NF1: variants seen among roughly 807,000 people sequenced by gnomAD.
NF1 encodes neurofibromin 1.
A neutral mutation model predicts 325.7 loss-of-function variants in NF1; 122 were observed. The ratio of observed to expected loss-of-function variants is 0.37; its 90% CI spans 0.32 to 0.44. The LOEUF is 0.44. Ranked by LOEUF, NF1 falls within the 20% of genes least tolerant of loss-of-function variation. The pLI is 1.00. For synonymous variants in NF1, 1,091 were observed against 1,186.0 expected (o/e 0.92, Z 1.65); for missense variants, 2,140 against 3,415.4 (o/e 0.63, Z 9.31).
intron 57 of NF1, among the ~76,000 whole-genome samples, chr17:31,363,748 T>C (rs1037864558): frequency 6.7e-6 from 1 of 150,186 alleles, no homozygotes; most frequent in African/African-American, 2.5e-5. Flanking sequence ...TTTTTTTTTT[T>C]TCCCCCTTTG....
At chr17:31,193,870 C>CA (rs2066390036) in intron 8 of NF1, among the ~76,000 whole-genome samples, 1 of 152,004 alleles carries the variant, frequency 6.6e-6, no homozygotes, top group African/African-American at 2.4e-5. Context: ...TGGCTACTAT[C>CA]AAAAAGACAA....
At chr17:31,313,373 G>T (rs1214422666) in intron 36 of NF1, among the ~76,000 whole-genome samples, 1 of 152,084 alleles carries the variant, frequency 6.6e-6, no homozygotes, top group East Asian at 1.9e-4. Context: ...ATCTGCCATG[G>T]CTATAGTTTC....
chr17:31,150,539 C>T (rs1237555545), intron 1 of NF1, among the ~76,000 whole-genome samples: 3 of 152,136 alleles, frequency 2.0e-5, no homozygotes, highest in Non-Finnish European at 4.4e-5. Context: ...CTCCTTTCCT[C>T]ATCTCCTTTT....
In NF1 at chr17:31,198,380, T is replaced by A. The variant is rs551595799; in HGVS notation, c.889-2042T>A. ...GGGTGGAATCAACCAGTGAAAGCTA[T>A]CTGGTCCTAGCCTTTTCTTTGGGAG... On this transcript the variant is annotated intron_variant, in intron 8 of 57. Coordinates refer to ENST00000358273, the MANE Select transcript of NF1 (RefSeq NM_001042492.3). Among the ~76,000 whole-genome samples, 3 of 152,196 alleles carry A rather than the reference T, an allele frequency of 2.0e-5. No homozygotes were observed. In the South Asian group the frequency reaches 6.2e-4, roughly 32 times the overall value.
At position 31,230,352 on chromosome 17, in the gene NF1, A is replaced by G. The variant is rs2151431701; in HGVS notation, c.3083A>G (p.Asp1028Gly). The change falls in exon 23 of 58, where the codon GAC (aspartate) becomes GGC (glycine). Residue 1028 changes from aspartate to glycine, a missense_variant. Physicochemically the swap from Asp to Gly is moderately conservative, Grantham distance 94 (BLOSUM62 -1). Transcript: ENST00000358273. ...LVEVMMARRDDLSFCQEMKFR... is the reference protein window; with the variant it reads ...LVEVMMARRDGLSFCQEMKFR... ...GAAGTAATGATGGCAAGGAGAGATG[A>G]CCTCTCATTTTGCCAAGAGATGAAA... The G allele has an allele frequency of 6.2e-7, 1 of 1,613,490 alleles. No homozygotes were observed. The highest frequency in any genetic ancestry group is 1.3e-5 in the African/African-American group (1 of 75,006).
At chr17:31,184,686 T>C (rs1420021692) in intron 8 of NF1, among the ~76,000 whole-genome samples, 3 of 148,816 alleles carry the variant, frequency 2.0e-5, no homozygotes, top group Non-Finnish European at 4.5e-5. Flanking sequence ...AAAAATAAAA[T>C]AGAAAATGAT....
rs76335477 is a variant in NF1, at chr17:31,349,346, G to A, written c.7321+95G>A. ...TACCTATAGGTTTTTTGGCGGTTGC[G>A]TGGCAGAGCAGAAAGTTCACAGTCT... On this transcript the variant is annotated intron_variant, in intron 49 of 57. Coordinates refer to ENST00000358273, the MANE Select transcript of NF1 (RefSeq NM_001042492.3). 2.6e-5 allele frequency: 33 copies of A among 1,291,950 alleles called. No individual in the cohort carries two copies. In the Middle Eastern group the frequency reaches 7.8e-4, roughly 31 times the overall value. The allele number at this position is 1,291,950 out of a possible 1,614,324, so 80.0% of individuals were successfully genotyped here.
intron 36 of NF1, among the ~76,000 whole-genome samples, chr17:31,267,740 A>G (rs111699957): frequency 7.2e-5 from 11 of 152,278 alleles, no homozygotes; most frequent in African/African-American, 2.4e-4. Flanking sequence ...CAGACTTGAA[A>G]TGTCCAAAAC....
chr17:31,229,689 T>C (rs1275823552), intron 21 of NF1, 146 bp from the exon 22 acceptor site: 2 of 1,088,680 alleles, frequency 1.8e-6, no homozygotes, highest in East Asian at 4.7e-5. Context: ...TGGGTACGAG[T>C]GTCTGCGTAT....
chr17:31,226,734 G>A (rs2151426314), intron 18 of NF1, 50 bp downstream of exon 18: 1 of 1,609,920 alleles, frequency 6.2e-7, no homozygotes, highest in East Asian at 2.2e-5. Context: ...AAAGCACATG[G>A]CATCTGATTT....
At chr17:31,174,268 A>G (rs1488191127) in intron 5 of NF1, among the ~76,000 whole-genome samples, 1 of 152,246 alleles carries the variant, frequency 6.6e-6, no homozygotes, top group Non-Finnish European at 1.5e-5. Flanking sequence ...AATGCAGTCT[A>G]CTATTTTGAA....
At position 31,165,053 on chromosome 17, in the gene NF1, A is replaced by G. The variant is rs1023057864; in HGVS notation, c.479+1677A>G. Among the ~76,000 whole-genome samples, 4 of 152,210 alleles carry G rather than the reference A, an allele frequency of 2.6e-5. No individual in the cohort carries two copies. In the East Asian group the frequency reaches 7.7e-4, roughly 29 times the overall value. ...GCCTTACTATTTGAAACACCTGTTA[A>G]ATTAAAGGTAGAAAGTGGTACAAAA... On this transcript the variant is annotated intron_variant, in intron 4 of 57. Coordinates refer to ENST00000358273, the MANE Select transcript of NF1 (RefSeq NM_001042492.3).
intron 36 of NF1, among the ~76,000 whole-genome samples, chr17:31,310,290 G>A (rs12602834): frequency 0.5 from 75,446 of 151,592 alleles, 20,609 homozygotes; most frequent in Non-Finnish European, 0.62. Flanking sequence ...AGGAAGCAGC[G>A]AACAGAAAAG....
At chr17:31,238,336 A>C (rs894866433) in intron 29 of NF1, among the ~76,000 whole-genome samples, 1 of 152,116 alleles carries the variant, frequency 6.6e-6, no homozygotes, top group Non-Finnish European at 1.5e-5. Flanking sequence ...ATCCCTAGCA[A>C]AGGTTTGCCC....
chr17:31,114,285 G>A (rs893293545), intron 1 of NF1, among the ~76,000 whole-genome samples: 1 of 152,088 alleles, frequency 6.6e-6, no homozygotes. Context: ...CATTAATAAA[G>A]AATATGGCTT....
At chr17:31,314,666 A>G (rs1439260042) in intron 36 of NF1, among the ~76,000 whole-genome samples, 1 of 152,144 alleles carries the variant, frequency 6.6e-6, no homozygotes, top group Non-Finnish European at 1.5e-5. Context: ...ATAATACTCC[A>G]TTGTGTATAT....
At chr17:31,144,618 C>G (rs987444211) in intron 1 of NF1, among the ~76,000 whole-genome samples, 7 of 151,998 alleles carry the variant, frequency 4.6e-5, no homozygotes, top group African/African-American at 1.7e-4. Context: ...CTTGGCCTCT[C>G]TCTCCACAAT....
intron 1 of NF1, among the ~76,000 whole-genome samples, chr17:31,110,920 C>G (rs1381723284): frequency 6.6e-6 from 1 of 151,868 alleles, no homozygotes; most frequent in South Asian, 2.1e-4. Flanking sequence ...ACAAAAAAAA[C>G]CCAGGTAAAT....
intron 5 of NF1, among the ~76,000 whole-genome samples, chr17:31,180,889 TCAG>T (rs1451701739): frequency 2.0e-5 from 3 of 152,210 alleles, no homozygotes; most frequent in Non-Finnish European, 4.4e-5. Flanking sequence ...ATAAGCAACT[TCAG>T]CAAAGTCTCA....
Sources: allele counts gnomAD v4.1 joint callset (sites outside exome capture counted in the v4.1 genomes callset), GRCh38; gene constraint gnomAD v4.1.1; transcripts MANE v1.5; gene names NCBI Gene and HGNC (gene_info 2026-07-23, HGNC 2026-07-21).